ASB14: variants seen among roughly 807,000 people sequenced by gnomAD.
The protein encoded by ASB14 is ankyrin repeat and SOCS box protein 14.
Under a neutral mutation model 55.6 loss-of-function variants are expected in ASB14, and 63 were observed. The ratio of observed to expected loss-of-function variants is 1.13; its 90% CI spans 0.92 to 1.40. The LOEUF (loss-of-function observed/expected upper bound fraction) is 1.40, where lower values mean the gene tolerates loss of function less well. Among genes scored for constraint, ASB14 ranks in the 40% most tolerant of loss-of-function variants. The pLI, the probability that ASB14 is intolerant of heterozygous loss-of-function variation, is 0.00. For synonymous variants in ASB14, 256 were observed against 259.9 expected (o/e 0.98, Z 0.15); for missense variants, 724 against 710.4 (o/e 1.02, Z -0.22).
intron 5 of ASB14, among the ~76,000 whole-genome samples, chr3:57,285,939 T>C (rs1033015076): frequency 6.6e-6 from 1 of 152,234 alleles, no homozygotes; most frequent in African/African-American, 2.4e-5. Context: ...TTTACTCCGA[T>C]GTTGGTAGAA....
rs1030896701 is a variant in ASB14 at position 57,270,358 on chromosome 3, C to T, written c.*23-740G>A. On this transcript the variant is annotated intron_variant, in intron 10 of 10. Transcript: ENST00000487349. ...GTCTTCAGTTCAAGATTGATAGAGCCCTTGGCATTTTATTATCACATTCTT... is the reference window on the plus strand; with the variant it reads ...GTCTTCAGTTCAAGATTGATAGAGCTCTTGGCATTTTATTATCACATTCTT... 2.0e-5 allele frequency: 3 copies of T among 152,494 alleles called. No homozygotes were observed. The South Asian group carries it at 6.2e-4, about 32-fold the overall frequency. The allele number at this position is 152,494 out of a possible 1,614,324, so 9.4% of individuals were successfully genotyped here.
intron 10 of ASB14, among the ~76,000 whole-genome samples, chr3:57,274,932 A>G (rs766017164): frequency 6.6e-6 from 1 of 152,172 alleles, no homozygotes; most frequent in Non-Finnish European, 1.5e-5. Context: ...TGAAATTTCA[A>G]TTGAGGGTTC....
At position 57,278,739 on chromosome 3, in the gene ASB14, T is replaced by C. The variant is rs1357344304; in HGVS notation, c.1069A>G (p.Lys357Glu). The change falls in exon 8 of 11, where the codon AAG becomes GAG. Residue 357 changes from lysine (K) to glutamate (E), a missense_variant. Lys to Glu is a moderately conservative substitution (Grantham distance 56). Transcript: ENST00000487349. ...GATACAGCAAAATACAAAGCTGACT[T>C]CCTGTGGTCATCGTAGTGTTTGTTA... is the stretch of plus-strand genomic sequence containing the variant. ...RINKHYDDHR[K>E]SALYFAVSNS... 6.2e-7 allele frequency: 1 copy of C among 1,613,700 alleles called. No homozygotes were observed. Among genetic ancestry groups the C allele is most frequent in the Non-Finnish European group, 8.5e-7 (1 of 1,179,876 alleles).
chr3:57,273,272 G>C (rs1401058804), intron 10 of ASB14: 2 of 152,594 alleles, frequency 1.3e-5, no homozygotes, highest in Non-Finnish European at 2.9e-5. Flanking sequence ...TCAAAATCAT[G>C]CAATGTTTCA....
chr3:57,289,899 G>C (rs571837570), intron 2 of ASB14, among the ~76,000 whole-genome samples: 3 of 151,682 alleles, frequency 2.0e-5, no homozygotes, highest in Admixed American at 6.6e-5. Flanking sequence ...TGCTCGCCTC[G>C]GCCTCCCAAA....
At chr3:57,285,191 T>A (rs1009401909) in intron 5 of ASB14, among the ~76,000 whole-genome samples, 19 of 152,146 alleles carry the variant, frequency 1.2e-4, no homozygotes, top group African/African-American at 4.6e-4. Context: ...CCGGCCGGCC[T>A]CGGCCTCCCA....
intron 10 of ASB14, among the ~76,000 whole-genome samples, chr3:57,273,892 A>G (rs1328721195): frequency 2.0e-5 from 3 of 152,060 alleles, no homozygotes; most frequent in Non-Finnish European, 4.4e-5. Context: ...TTTGTCTTGG[A>G]TTTTATAGAA....
At position 57,268,412 on chromosome 3, in the gene ASB14, A is replaced by C; in HGVS notation, c.*1229T>G. 6.3e-7 allele frequency: 1 copy of C among 1,591,516 alleles called. No homozygotes were observed. ...CTGTTCTTTAGGATCGTAGGGCATC[A>C]GAAAAACAAAAAGAAATAGAGAGAG... On this transcript the variant is annotated 3_prime_UTR_variant, in exon 11 of 11. Coordinates refer to ENST00000487349, the MANE Select transcript of ASB14 (RefSeq NM_001142733.3).
At chr3:57,282,055 A>C (rs1024031028) in intron 6 of ASB14, among the ~76,000 whole-genome samples, 4 of 152,102 alleles carry the variant, frequency 2.6e-5, no homozygotes, top group Admixed American at 1.3e-4. Context: ...ACAAAAGGTT[A>C]CTCTTTCCTC....
chr3:57,284,744 G>A (rs991084894), intron 5 of ASB14, among the ~76,000 whole-genome samples: 2 of 152,204 alleles, frequency 1.3e-5, no homozygotes, highest in South Asian at 2.1e-4. Context: ...AGAGAGGTTA[G>A]ATCTGACCCA....
intron 5 of ASB14, among the ~76,000 whole-genome samples, chr3:57,285,940 G>A (rs889091187): frequency 2.0e-5 from 3 of 152,172 alleles, no homozygotes; most frequent in African/African-American, 4.8e-5. Flanking sequence ...TTACTCCGAT[G>A]TTGGTAGAAC....
chr3:57,283,504 AAGTATCC>A, intron 5 of ASB14, 65 bp from the exon 6 acceptor site: 4 of 1,467,408 alleles, frequency 2.7e-6, no homozygotes, highest in Admixed American at 2.0e-5. Context: ...GCATATCTGC[AAGTATCC>A]CTCAGGCTTT....
At chr3:57,277,282 CTG>C (rs1430449034) in intron 9 of ASB14, among the ~76,000 whole-genome samples, 1 of 148,936 alleles carries the variant, frequency 6.7e-6, no homozygotes, top group African/African-American at 2.5e-5. Context: ...AAAAAAAAAT[CTG>C]TGTGTTTTAG....
rs1259411341 is a variant in ASB14 at position 57,276,596 on chromosome 3, T to C, written c.1718A>G (p.Lys573Arg). Residue 573 changes from lysine (K) to arginine (R), a missense_variant, in exon 10 of 11, where the codon AAA becomes AGA. Lys to Arg is a conservative substitution (Grantham distance 26). Transcript: ENST00000487349. Reference sequence around the variant, plus strand: ...TCCTTGTCCATAAAGGTCGTATTCTTTGTAAAGGACATATGCTTTTAGACG... The same window carrying C: ...TCCTTGTCCATAAAGGTCGTATTCTCTGTAAAGGACATATGCTTTTAGACG... ...PNRLKAYVLY[K>R]EYDLYGQGIF... is the part of the protein sequence containing the mutation. 1 of 1,613,724 alleles carries C rather than the reference T, an allele frequency of 6.2e-7. No individual in the cohort carries two copies. Among genetic ancestry groups the C allele is most frequent in the Admixed American group, 1.7e-5 (1 of 59,998 alleles).
intron 2 of ASB14, among the ~76,000 whole-genome samples, chr3:57,291,233 T>C (rs768438570): frequency 9.6e-5 from 13 of 135,700 alleles, no homozygotes; most frequent in Non-Finnish European, 1.8e-4. Flanking sequence ...AAAGACATTT[T>C]TCTAGTTTTA....
intron 6 of ASB14, among the ~76,000 whole-genome samples, chr3:57,280,889 G>A (rs2061035683): frequency 6.6e-6 from 1 of 152,052 alleles, no homozygotes. Flanking sequence ...GGTGGAAAAG[G>A]GCATTTGTTC....
chr3:57,289,517 T>C (rs183978089), intron 2 of ASB14, among the ~76,000 whole-genome samples: 2 of 152,110 alleles, frequency 1.3e-5, no homozygotes, highest in African/African-American at 4.8e-5. Flanking sequence ...GAAACTATTT[T>C]AAAAAATAGT....
rs2061013794 is a variant in ASB14 at position 57,278,898 on chromosome 3, C to G, written c.910G>C (p.Val304Leu). The change falls in exon 8 of 11, where the codon GTT becomes CTT. Residue 304 changes from valine (V) to leucine (L), a missense_variant. Val to Leu is a conservative substitution (Grantham distance 32). Transcript: ENST00000487349. The stretch of plus-strand genomic sequence containing the variant: ...TGCTTAATGGCAGCAAGATCCGTAA[C>G]TGGAATCAGTATCTTTAGAGCTCTG... ...HLLALKILIPVTDLAAIKQSG... is the reference protein window; with the variant it reads ...HLLALKILIPLTDLAAIKQSG... The G allele has an allele frequency of 6.2e-7, 1 of 1,613,470 alleles. No individual in the cohort carries two copies. The highest frequency in any genetic ancestry group is 8.5e-7 in the Non-Finnish European group (1 of 1,179,816).
chr3:57,286,554 T>C (rs1013749498), intron 5 of ASB14, among the ~76,000 whole-genome samples: 12 of 152,218 alleles, frequency 7.9e-5, no homozygotes, highest in Admixed American at 6.5e-5. Context: ...ATTCAATCAC[T>C]AATTATTGGC....
Sources: allele counts gnomAD v4.1 joint callset (sites outside exome capture counted in the v4.1 genomes callset), GRCh38; gene constraint gnomAD v4.1.1; transcripts MANE v1.5; gene names NCBI Gene and HGNC (gene_info 2026-07-23, HGNC 2026-07-21).